The following CNTN5 variants were observed in gnomAD, a reference collection of about 807,000 sequenced individuals.
The protein encoded by CNTN5 is contactin-5.
A neutral mutation model predicts 129.1 loss-of-function variants in CNTN5; 77 were observed. The observed-to-expected ratio is 0.60, with a 90% CI of 0.50 to 0.72. The LOEUF is 0.72. Among genes scored for constraint, CNTN5 ranks in the 30% least tolerant of loss-of-function variants. CNTN5 has a pLI of 0.00. For synonymous variants in CNTN5, 509 were observed against 465.6 expected, an observed-to-expected ratio of 1.09 and a Z score of -1.20; for missense variants, 1,478 against 1,328.8, an observed-to-expected ratio of 1.11 and a Z score of -1.75.
chr11:99,254,698 A>G (rs563789671), intron 1 of CNTN5, among the ~76,000 whole-genome samples: 5 of 151,952 alleles, frequency 3.3e-5, no homozygotes, highest in Non-Finnish European at 7.4e-5. Flanking sequence ...ATTTATTTCA[A>G]TATATACATG....
intron 3 of CNTN5, among the ~76,000 whole-genome samples, chr11:99,597,257 C>T (rs78779429): frequency 0.039 from 6,002 of 152,128 alleles, 150 homozygotes; most frequent in South Asian, 0.088. Flanking sequence ...GGTTCTGAAG[C>T]CTCAGCATGC....
At chr11:100,002,190 A>G (rs1226167017) in intron 9 of CNTN5, 54 bp downstream of exon 9, 3 of 1,182,840 alleles carry the variant, frequency 2.5e-6, no homozygotes, top group East Asian at 3.0e-5. Flanking sequence ...AATGTGACAT[A>G]TCTTATTTTT....
intron 13 of CNTN5, among the ~76,000 whole-genome samples, chr11:100,094,765 AAAGGAAGGAAGGAAGGAAGGAAGGAAGG>A (rs57565481): frequency 2.6e-5 from 3 of 113,940 alleles, no homozygotes; most frequent in South Asian, 3.5e-4. Flanking sequence ...GGGAGGGAGG[AAAGGAAGGAAGGAAGGAAGGAAGGAAGG>A]AAGGAAGGAA....
intron 2 of CNTN5, among the ~76,000 whole-genome samples, chr11:99,428,610 A>G (rs889336820): frequency 7.9e-5 from 12 of 151,558 alleles, no homozygotes; most frequent in Non-Finnish European, 1.3e-4. Context: ...ATATATGTAT[A>G]TATCTTTAAT....
At chr11:99,629,858 G>T (rs1311664891) in intron 3 of CNTN5, among the ~76,000 whole-genome samples, 2 of 151,294 alleles carry the variant, frequency 1.3e-5, no homozygotes, top group Non-Finnish European at 3.0e-5. Context: ...GGTAATATTT[G>T]ATATAAAATA....
At chr11:99,487,625 G>A (rs1945868424) in intron 2 of CNTN5, among the ~76,000 whole-genome samples, 1 of 152,162 alleles carries the variant, frequency 6.6e-6, no homozygotes, top group Non-Finnish European at 1.5e-5. Context: ...ATTTCAGTGT[G>A]CCTAATACAC....
At chr11:99,477,810 C>A (rs1945435772) in intron 2 of CNTN5, among the ~76,000 whole-genome samples, 1 of 151,296 alleles carries the variant, frequency 6.6e-6, no homozygotes, top group African/African-American at 2.4e-5. Flanking sequence ...TAATTATTTC[C>A]TTTAAAAAAA....
chr11:99,838,867 T>C (rs1487657853), intron 4 of CNTN5, among the ~76,000 whole-genome samples: 1 of 152,174 alleles, frequency 6.6e-6, no homozygotes, highest in Non-Finnish European at 1.5e-5. Context: ...AGTAATATAG[T>C]ATGCCTTTTG....
At position 99,162,708 on chromosome 11, in the gene CNTN5, A is replaced by G. The variant is rs1406312976; in HGVS notation, c.-210+141438A>G. On this transcript the variant is annotated intron_variant, in intron 1 of 24. Transcript: ENST00000524871. ...GTTGCACAGCTATGAGGTAGATATTACTTGACTTAGGTATGACTAGTTTCT... is the reference window on the plus strand; with the variant it reads ...GTTGCACAGCTATGAGGTAGATATTGCTTGACTTAGGTATGACTAGTTTCT... Among the ~76,000 whole-genome samples, 7 of 152,212 alleles carry G rather than the reference A, an allele frequency of 4.6e-5. No homozygotes were observed. The South Asian group carries it at 1.2e-3, about 27-fold the overall frequency.
At chr11:99,068,519 T>C (rs1397179651) in intron 1 of CNTN5, among the ~76,000 whole-genome samples, 1 of 152,146 alleles carries the variant, frequency 6.6e-6, no homozygotes, top group African/African-American at 2.4e-5. Flanking sequence ...ATTGGAGATA[T>C]TAATACCATG....
chr11:99,967,982 C>G (rs779225220), intron 8 of CNTN5, among the ~76,000 whole-genome samples: 1 of 152,164 alleles, frequency 6.6e-6, no homozygotes, highest in Non-Finnish European at 1.5e-5. Flanking sequence ...TAAATGCCAA[C>G]AAATATTAAC....
chr11:99,126,131 A>T (rs770745467), intron 1 of CNTN5, among the ~76,000 whole-genome samples: 1 of 152,160 alleles, frequency 6.6e-6, no homozygotes, highest in African/African-American at 2.4e-5. Flanking sequence ...GTTTTTAATT[A>T]TTGGCTTTTT....
rs551283967 is a variant in CNTN5, at chr11:99,932,865, A to C, written c.673+16716A>C. ...TCCTCATTAGCATTCCTAAGTGCCT[A>C]TGAACAAGTTTTCTTCTCTTGTCTA... On this transcript the variant is annotated intron_variant, in intron 7 of 24. Transcript: ENST00000524871. Among the ~76,000 whole-genome samples the C allele has an allele frequency of 8.8e-4, 134 of 152,234 alleles. 5 individuals carry two copies. The South Asian group carries it at 0.027, about 31-fold the overall frequency.
intron 2 of CNTN5, among the ~76,000 whole-genome samples, chr11:99,514,752 T>G (rs1479729811): frequency 1.4e-4 from 22 of 152,108 alleles, no homozygotes; most frequent in Admixed American, 1.4e-3. Flanking sequence ...TAACTTTTAT[T>G]GCACTGCGAA....
chr11:99,269,760 A>C (rs565452160), intron 1 of CNTN5, among the ~76,000 whole-genome samples: 14 of 149,780 alleles, frequency 9.3e-5, no homozygotes, highest in African/African-American at 3.6e-4. Flanking sequence ...TTATAAACTT[A>C]CTTCTAGGGT....
intron 21 of CNTN5, chr11:100,309,698 A>G (rs979161283): frequency 3.0e-6 from 3 of 984,992 alleles, no homozygotes; most frequent in African/African-American, 1.7e-5. Flanking sequence ...TGTTGAATGA[A>G]TAAATGTTTG....
chr11:99,735,982 C>G (rs764845452), intron 3 of CNTN5, among the ~76,000 whole-genome samples: 1 of 152,150 alleles, frequency 6.6e-6, no homozygotes, highest in Non-Finnish European at 1.5e-5. Context: ...CTTCTACGAA[C>G]TGAATAGCTC....
At chr11:99,241,318 G>GTTGTTTTTTTTTT (rs1861542488) in intron 1 of CNTN5, among the ~76,000 whole-genome samples, 1 of 88,050 alleles carries the variant, frequency 1.1e-5, no homozygotes, top group African/African-American at 4.4e-5. Context: ...TTGATTGTTG[G>GTTGTTTTTTTTTT]TTTTTTTTTT....
intron 6 of CNTN5, among the ~76,000 whole-genome samples, chr11:99,867,194 G>T (rs1948379710): frequency 6.6e-6 from 1 of 152,136 alleles, no homozygotes; most frequent in African/African-American, 2.4e-5. Context: ...CTGTTGTCCA[G>T]ATTTAAGACC....
Sources: gnomAD v4.1 joint callset for allele counts (sites outside exome capture counted in the v4.1 genomes callset) on GRCh38, gnomAD v4.1.1 for gene constraint, MANE v1.5 for transcripts, NCBI Gene and HGNC (gene_info 2026-07-23, HGNC 2026-07-21) for gene names.